The following STRN3 variants were observed in gnomAD, a reference collection of about 807,000 sequenced individuals.
STRN3 encodes striatin-3.
Under a neutral mutation model 95.6 loss-of-function variants are expected in STRN3, and 29 were observed. The observed-to-expected ratio is 0.30, with a 90% CI of 0.23 to 0.41. STRN3 has a LOEUF of 0.41. Ranked by LOEUF, STRN3 falls within the 10% of genes least tolerant of loss-of-function variation. The probability of loss-of-function intolerance (pLI) is 1.00; values close to 1 mark genes in which losing one functional copy is unlikely to be tolerated. For missense variants in STRN3, 890 were observed against 972.1 expected (o/e 0.92, Z 1.12); for synonymous variants, 331 against 357.6 (o/e 0.93, Z 0.84).
chr14:30,898,797 C>A (rs1342334582), intron 16 of STRN3, among the ~76,000 whole-genome samples: 1 of 152,204 alleles, frequency 6.6e-6, no homozygotes, highest in African/African-American at 2.4e-5. Flanking sequence ...TGGACAGATG[C>A]CACTGCACAT....
At chr14:30,981,118 C>A (rs1410141529) in intron 1 of STRN3, among the ~76,000 whole-genome samples, 1 of 151,440 alleles carries the variant, frequency 6.6e-6, no homozygotes, top group African/African-American at 2.4e-5. Flanking sequence ...TCAAGACCAG[C>A]CTGGACAACA....
intron 5 of STRN3, among the ~76,000 whole-genome samples, chr14:30,941,052 G>T (rs1879067579): frequency 6.6e-6 from 1 of 152,142 alleles, no homozygotes; most frequent in South Asian, 2.1e-4. Context: ...TTTCCACCAT[G>T]CGAAAACCCA....
chr14:31,004,847 C>A (rs921552543), intron 1 of STRN3, among the ~76,000 whole-genome samples: 2 of 151,858 alleles, frequency 1.3e-5, no homozygotes, highest in Non-Finnish European at 2.9e-5. Flanking sequence ...TTATCTGACA[C>A]AGGTCTAAAA....
chr14:31,019,170 T>C (rs1883384966), intron 1 of STRN3, among the ~76,000 whole-genome samples: 1 of 151,926 alleles, frequency 6.6e-6, no homozygotes. Context: ...TAGCCAGGCG[T>C]GGTAGCACGT....
chr14:30,972,711 G>A (rs1257491028), intron 1 of STRN3, among the ~76,000 whole-genome samples: 1 of 152,106 alleles, frequency 6.6e-6, no homozygotes, highest in African/African-American at 2.4e-5. Flanking sequence ...GGGAGGCTGT[G>A]GGGAGGAAAG....
intron 1 of STRN3, among the ~76,000 whole-genome samples, chr14:30,960,392 G>A (rs561915307): frequency 5.4e-4 from 82 of 152,214 alleles, no homozygotes; most frequent in Non-Finnish European, 1.1e-3. Context: ...TAACACTGCA[G>A]CAATTAAGAC....
At chr14:30,900,142 G>T (rs1896265913) in intron 16 of STRN3, among the ~76,000 whole-genome samples, 1 of 152,046 alleles carries the variant, frequency 6.6e-6, no homozygotes, top group Admixed American at 6.6e-5. Flanking sequence ...CGGATCACCT[G>T]AGGTCAGGAG....
At chr14:30,898,924 G>A (rs1202717854) in intron 16 of STRN3, among the ~76,000 whole-genome samples, 1 of 152,200 alleles carries the variant, frequency 6.6e-6, no homozygotes, top group Admixed American at 6.5e-5. Flanking sequence ...AACTGTGTGA[G>A]TTTAAATACT....
intron 1 of STRN3, among the ~76,000 whole-genome samples, chr14:31,013,369 A>G (rs2139327304): frequency 6.6e-6 from 1 of 151,882 alleles, no homozygotes; most frequent in Admixed American, 6.6e-5. Context: ...TGAGACCCCC[A>G]TCTCAAAAAA....
intron 1 of STRN3, among the ~76,000 whole-genome samples, chr14:30,962,436 G>C (rs529820966): frequency 1.3e-5 from 2 of 152,276 alleles, no homozygotes; most frequent in African/African-American, 4.8e-5. Context: ...CAATGCCACA[G>C]GCCTACAAAT....
At chr14:31,021,034 C>T (rs1156796894) in intron 1 of STRN3, among the ~76,000 whole-genome samples, 1 of 152,138 alleles carries the variant, frequency 6.6e-6, no homozygotes, top group Non-Finnish European at 1.5e-5. Flanking sequence ...ATGCTGGAAT[C>T]AATAAAACTC....
intron 1 of STRN3, among the ~76,000 whole-genome samples, chr14:30,991,293 C>A (rs1285015137): frequency 6.6e-6 from 1 of 152,112 alleles, no homozygotes; most frequent in African/African-American, 2.4e-5. Flanking sequence ...GTTCCTTCAA[C>A]CTATGAGAAA....
intron 16 of STRN3, among the ~76,000 whole-genome samples, chr14:30,897,386 A>C (rs1594403519): frequency 6.6e-6 from 1 of 152,156 alleles, no homozygotes; most frequent in African/African-American, 2.4e-5. Context: ...GGAGTTCAAG[A>C]CCAGCCTGGC....
intron 1 of STRN3, among the ~76,000 whole-genome samples, chr14:30,959,829 C>T (rs1880101325): frequency 1.3e-5 from 2 of 151,702 alleles, no homozygotes; most frequent in Admixed American, 1.3e-4. Context: ...TAGGAAAAAA[C>T]CACCAAAGAT....
At chr14:30,964,145 G>A (rs920442725) in intron 1 of STRN3, among the ~76,000 whole-genome samples, 7 of 152,156 alleles carry the variant, frequency 4.6e-5, no homozygotes, top group African/African-American at 1.4e-4. Flanking sequence ...TCAGCTATAC[G>A]AGAGGGTGAA....
intron 5 of STRN3, among the ~76,000 whole-genome samples, chr14:30,944,463 GTA>G (rs1373408037): frequency 6.8e-6 from 1 of 146,054 alleles, no homozygotes; most frequent in Non-Finnish European, 1.5e-5. Context: ...ACACACATAT[GTA>G]TATGTGTATA....
intron 5 of STRN3, among the ~76,000 whole-genome samples, chr14:30,940,161 G>C (rs1879026534): frequency 6.6e-6 from 1 of 152,062 alleles, no homozygotes; most frequent in East Asian, 1.9e-4. Context: ...TATTTTCTAA[G>C]AAACGTTCCT....
intron 8 of STRN3, among the ~76,000 whole-genome samples, chr14:30,928,505 C>T (rs1878305641): frequency 6.6e-6 from 1 of 152,166 alleles, no homozygotes; most frequent in African/African-American, 2.4e-5. Context: ...TTTAAGTTTG[C>T]TTCACCAAAT....
Position 30,935,194 on chromosome 14 carries a change from T to G in STRN3, c.957A>C (p.Glu319Asp), listed in dbSNP as rs767547167. ...VTAEDGEGAGEARSSGDGTEW... is the reference protein window; with the variant it reads ...VTAEDGEGAGDARSSGDGTEW... ...CTGTGCCATCCCCCGAACTCCGTGC[T>G]TCTCCAGCTCCTTCACCATCTTCAG... Residue 319 changes from glutamate to aspartate, a missense_variant, in exon 7 of 18, where the codon GAA becomes GAC. Physicochemically the swap from Glu to Asp is conservative, Grantham distance 45. Transcript: ENST00000357479. 1.9e-6 allele frequency: 3 copies of G among 1,614,050 alleles called. No individual in the cohort carries two copies. The highest frequency in any genetic ancestry group is 2.5e-6 in the Non-Finnish European group (3 of 1,180,010).
Sources: allele counts gnomAD v4.1 joint callset (sites outside exome capture counted in the v4.1 genomes callset), GRCh38; gene constraint gnomAD v4.1.1; transcripts MANE v1.5; gene names NCBI Gene and HGNC (gene_info 2026-07-23, HGNC 2026-07-21).